Variants in DOCK1 observed in about 807,000 individuals in gnomAD.
The protein encoded by DOCK1 is dedicator of cytokinesis protein 1.
In DOCK1, 138 loss-of-function variants were observed where a neutral mutation model predicts 262.7. That is an observed-to-expected ratio of 0.53 (90% CI 0.46 to 0.61). The LOEUF is 0.61. Among genes scored for constraint, DOCK1 ranks in the 20% least tolerant of loss-of-function variants. DOCK1 has a pLI of 0.00. For missense variants in DOCK1, 1,908 were observed against 2,370.7 expected, an observed-to-expected ratio of 0.80 and a Z score of 4.05; for synonymous variants, 866 against 867.4, an observed-to-expected ratio of 1.00 and a Z score of 0.03.
At chr10:127,150,123 C>T (rs2052343278) in intron 27 of DOCK1, among the ~76,000 whole-genome samples, 2 of 152,192 alleles carry the variant, frequency 1.3e-5, no homozygotes, top group Admixed American at 1.3e-4. Context: ...CCCTCTGGCT[C>T]ACTTGGAGTC....
intron 27 of DOCK1, among the ~76,000 whole-genome samples, chr10:127,215,101 C>G (rs569731305): frequency 6.6e-6 from 1 of 152,202 alleles, no homozygotes; most frequent in African/African-American, 2.4e-5. Context: ...TTGCCTCTTC[C>G]AGGACTCCTG....
At chr10:126,946,913 C>A (rs1195087429) in intron 1 of DOCK1, among the ~76,000 whole-genome samples, 1 of 152,214 alleles carries the variant, frequency 6.6e-6, no homozygotes, top group African/African-American at 2.4e-5. Context: ...ATCTCACGGT[C>A]ACAGCGGACA....
chr10:127,445,307 A>C (rs1183121585), intron 50 of DOCK1, among the ~76,000 whole-genome samples: 4 of 152,106 alleles, frequency 2.6e-5, no homozygotes. Flanking sequence ...CCCTGTGGCG[A>C]GGGCTGTGCA....
intron 27 of DOCK1, among the ~76,000 whole-genome samples, chr10:127,149,496 G>C (rs1344459364): frequency 6.6e-6 from 1 of 152,088 alleles, no homozygotes; most frequent in Non-Finnish European, 1.5e-5. Context: ...ATTTATTACA[G>C]GCCTGTGGTG....
At chr10:127,150,903 G>T (rs2052424759) in intron 27 of DOCK1, among the ~76,000 whole-genome samples, 2 of 152,190 alleles carry the variant, frequency 1.3e-5, no homozygotes, top group Admixed American at 6.5e-5. Context: ...TGTAGTGGGG[G>T]TGCCACATTC....
intron 27 of DOCK1, among the ~76,000 whole-genome samples, chr10:127,236,006 C>T (rs915621721): frequency 3.9e-5 from 6 of 152,028 alleles, no homozygotes; most frequent in East Asian, 1.9e-4. Context: ...TCATATACTG[C>T]GGATGGAAAC....
chr10:126,940,657 G>C (rs1009723796), intron 1 of DOCK1, among the ~76,000 whole-genome samples: 2 of 152,202 alleles, frequency 1.3e-5, no homozygotes, highest in Non-Finnish European at 2.9e-5. Context: ...ACCCACCTCA[G>C]CCTCCCAAAG....
At chr10:127,000,393 A>G (rs2040501174) in intron 10 of DOCK1, 86 bp downstream of exon 10, 25 of 1,515,886 alleles carry the variant, frequency 1.6e-5, no homozygotes, top group East Asian at 2.4e-5. Context: ...TGATTGGACA[A>G]TGCACAGCTG....
chr10:127,094,351 A>C (rs2047770979), intron 23 of DOCK1, among the ~76,000 whole-genome samples: 1 of 152,208 alleles, frequency 6.6e-6, no homozygotes, highest in East Asian at 1.9e-4. Flanking sequence ...AATTCCATGC[A>C]CTGCATATGG....
chr10:127,187,576 G>T (rs1355297849), intron 27 of DOCK1, among the ~76,000 whole-genome samples: 1 of 152,078 alleles, frequency 6.6e-6, no homozygotes, highest in Admixed American at 6.6e-5. Context: ...ATCCTGCCAC[G>T]TAGAAGAAAA....
At chr10:127,432,696 A>G (rs1017597720) in intron 47 of DOCK1, among the ~76,000 whole-genome samples, 44 of 152,172 alleles carry the variant, frequency 2.9e-4, no homozygotes, top group African/African-American at 1.0e-3. Flanking sequence ...TTTTGGCACA[A>G]TGCATCACTA....
At chr10:127,421,697 T>C (rs138744078) in intron 46 of DOCK1, among the ~76,000 whole-genome samples, 1 of 152,354 alleles carries the variant, frequency 6.6e-6, no homozygotes, top group Non-Finnish European at 1.5e-5. Context: ...CTACTCTAGA[T>C]AGCTTATATG....
chr10:127,451,092 CAG>C (rs2070932769), intron 51 of DOCK1, among the ~76,000 whole-genome samples: 1 of 152,156 alleles, frequency 6.6e-6, no homozygotes, highest in South Asian at 2.1e-4. Flanking sequence ...TGGTACCTCT[CAG>C]GGGCTGTGCA....
chr10:127,146,043 C>A (rs771128129), intron 27 of DOCK1: 1 of 518,520 alleles, frequency 1.9e-6, no homozygotes, highest in Admixed American at 1.9e-5. Flanking sequence ...TACGACCCAG[C>A]CCTAGACATC....
At chr10:127,354,246 G>A (rs2064026670) in intron 31 of DOCK1, among the ~76,000 whole-genome samples, 3 of 152,218 alleles carry the variant, frequency 2.0e-5, no homozygotes, top group Admixed American at 6.5e-5. Context: ...AACTTTGGAA[G>A]AGGTCTGCCC....
intron 1 of DOCK1, among the ~76,000 whole-genome samples, chr10:126,963,617 TC>T (rs2037411608): frequency 3.1e-4 from 19 of 61,720 alleles, no homozygotes; most frequent in African/African-American, 1.6e-3. Context: ...TCCCTTCCCT[TC>T]CCTTCCCTTC....
intron 27 of DOCK1, chr10:127,195,865 C>T (rs2057095002): frequency 6.6e-6 from 1 of 152,294 alleles, no homozygotes; most frequent in African/African-American, 2.4e-5. Context: ...CGCCGAGTTT[C>T]CGGCCAAGCC....
At chr10:127,340,155 A>G (rs1296492938) in intron 30 of DOCK1, among the ~76,000 whole-genome samples, 1 of 152,224 alleles carries the variant, frequency 6.6e-6, no homozygotes. Context: ...ATATCTAAAC[A>G]TGTTACTTGT....
chr10:126,991,861 T>G (rs931370243), intron 6 of DOCK1, among the ~76,000 whole-genome samples: 9 of 152,272 alleles, frequency 5.9e-5, no homozygotes, highest in African/African-American at 2.2e-4. Flanking sequence ...AGAGTTGGGT[T>G]GTGCTGGACA....
Sources: allele counts gnomAD v4.1 joint callset (sites outside exome capture counted in the v4.1 genomes callset), GRCh38; gene constraint gnomAD v4.1.1; transcripts MANE v1.5; gene names NCBI Gene and HGNC (gene_info 2026-07-23, HGNC 2026-07-21).